The following SSPN variants were observed in gnomAD, a reference collection of about 807,000 sequenced individuals.
The protein encoded by SSPN is sarcospan, also known as K-ras oncogene-associated protein.
Under a neutral mutation model 19.1 loss-of-function variants are expected in SSPN, and 15 were observed. The observed-to-expected ratio is 0.78, with a 90% CI of 0.52 to 1.21. The LOEUF (loss-of-function observed/expected upper bound fraction) is 1.21. SSPN is among the 50% of genes most tolerant of loss of function. The probability of loss-of-function intolerance (pLI) is 0.00; values close to 1 mark genes in which losing one functional copy is unlikely to be tolerated. For synonymous variants in SSPN, 147 were observed against 140.3 expected (o/e 1.05, Z -0.34); for missense variants, 291 against 314.0 (o/e 0.93, Z 0.55).
chr12:26,150,216 TG>T (rs1944517413), intron 1 of SSPN, among the ~76,000 whole-genome samples: 1 of 152,150 alleles, frequency 6.6e-6, no homozygotes, highest in South Asian at 2.1e-4. Flanking sequence ...CGGAGCAGCT[TG>T]GGGGTGCTTT....
intron 1 of SSPN, among the ~76,000 whole-genome samples, chr12:26,176,855 A>G (rs4523784): frequency 0.13 from 20,318 of 152,122 alleles, 1,390 homozygotes; most frequent in Middle Eastern, 0.19. Flanking sequence ...CTCCCTCTTG[A>G]TGTACCTGCC....
chr12:26,137,656 A>ATTTTT (rs10597345), intron 1 of SSPN, among the ~76,000 whole-genome samples: 3 of 76,434 alleles, frequency 3.9e-5, no homozygotes, highest in Admixed American at 1.6e-4. Context: ...ATATATATAT[A>ATTTTT]TTTTTTTTTT....
intron 1 of SSPN, among the ~76,000 whole-genome samples, chr12:26,156,230 A>T (rs907142126): frequency 3.9e-5 from 6 of 152,210 alleles, no homozygotes; most frequent in Non-Finnish European, 8.8e-5. Context: ...GAGGAGATAC[A>T]AGTTCAGAGA....
At chr12:26,162,224 C>CT (rs1459186863) in intron 1 of SSPN, among the ~76,000 whole-genome samples, 1 of 152,114 alleles carries the variant, frequency 6.6e-6, no homozygotes, top group South Asian at 2.1e-4. Flanking sequence ...ATCAAAACTC[C>CT]TTTTTTTGTT....
At chr12:26,191,346 T>C (rs7977626), upstream of SSPN, among the ~76,000 whole-genome samples, 698 of 152,174 alleles carry the variant, frequency 4.6e-3, 9 homozygotes, top group African/African-American at 0.016. Flanking sequence ...TTAAGCCAGG[T>C]ATGGTGGCAT....
rs1036569758 is a variant in SSPN at position 26,234,329 on chromosome 12, T to C, written c.*3253T>C. ...TTTCCTATCATGAAGAGTACCTTCA[T>C]ATTTTCTAGAGATTGTCTCTGAACC... On this transcript the variant is annotated 3_prime_UTR_variant, in exon 3 of 3. Transcript: ENST00000242729. 1 of 152,238 alleles carries C rather than the reference T, an allele frequency of 6.6e-6. No homozygotes were observed. Among genetic ancestry groups the C allele is most frequent in the Non-Finnish European group, 1.5e-5 (1 of 68,042 alleles). The allele number at this position is 152,238 out of a possible 1,614,324, so 9.4% of individuals were successfully genotyped here.
intron 1 of SSPN, among the ~76,000 whole-genome samples, chr12:26,208,891 C>T (rs560891297): frequency 2.6e-5 from 4 of 152,018 alleles, no homozygotes; most frequent in Non-Finnish European, 5.9e-5. Flanking sequence ...TTGTGATTTT[C>T]CTTAGTTCTA....
chr12:26,141,296 C>G (rs1442741845), intron 1 of SSPN, among the ~76,000 whole-genome samples: 1 of 152,078 alleles, frequency 6.6e-6, no homozygotes, highest in Non-Finnish European at 1.5e-5. Flanking sequence ...GAGGTAAAAT[C>G]CAAGGACTGT....
At chr12:26,190,619 G>A (rs1944781423), upstream of SSPN, among the ~76,000 whole-genome samples, 1 of 152,144 alleles carries the variant, frequency 6.6e-6, no homozygotes, top group South Asian at 2.1e-4. Flanking sequence ...TGTTATTGTA[G>A]CAATAGATAA....
intron 1 of SSPN, among the ~76,000 whole-genome samples, chr12:26,186,018 C>A (rs1371494525): frequency 1.3e-5 from 2 of 152,172 alleles, no homozygotes; most frequent in Non-Finnish European, 2.9e-5. Context: ...AGAAAGAATG[C>A]TTTGTAAGCA....
At chr12:26,148,923 C>A (rs577240034) in intron 1 of SSPN, among the ~76,000 whole-genome samples, 145 of 152,288 alleles carry the variant, frequency 9.5e-4, no homozygotes, top group Non-Finnish European at 1.7e-3. Context: ...AACCTCCCCA[C>A]GGCACACACA....
chr12:26,211,816 A>G (rs747591879), intron 1 of SSPN: 1 of 152,206 alleles, frequency 6.6e-6, no homozygotes, highest in Non-Finnish European at 1.5e-5. Flanking sequence ...ACAGCAATGC[A>G]AATTACAATG....
intron 1 of SSPN, among the ~76,000 whole-genome samples, chr12:26,177,251 C>CT (rs1486419109): frequency 6.6e-6 from 1 of 152,220 alleles, no homozygotes; most frequent in Non-Finnish European, 1.5e-5. Context: ...CAGTGAATCT[C>CT]TGAGGATTAC....
At position 26,231,014 on chromosome 12, in the gene SSPN, T is replaced by C. The variant is rs760508335; in HGVS notation, c.670T>C (p.Phe224Leu). The C allele has an allele frequency of 9.9e-6, 16 of 1,614,082 alleles. No individual in the cohort carries two copies. The East Asian group carries it at 3.6e-4, about 36-fold the overall frequency. The part of the protein sequence containing the change: ...FVMWKHRYQV[F>L]YVGVRICSLT... The stretch of plus-strand genomic sequence containing the variant: ...GATGTGGAAACATAGGTACCAGGTC[T>C]TCTATGTGGGTGTCAGGATATGCTC... The change falls in exon 3 of 3, where the codon TTC (phenylalanine) becomes CTC (leucine). Residue 224 changes from phenylalanine to leucine, a missense_variant. Around this residue, in one of 3 missense-constraint regions of SSPN, gnomAD observed 141 missense variants for 166.7 expected, o/e 0.85. Transcript: ENST00000242729.
chr12:26,174,516 C>CCTTCCCTTCCTTT, intron 1 of SSPN, among the ~76,000 whole-genome samples: 2 of 144,374 alleles, frequency 1.4e-5, no homozygotes, highest in African/African-American at 5.1e-5. Flanking sequence ...TTCCTTCCTT[C>CCTTCCCTTCCTTT]CTTCCTTCCT....
At chr12:26,226,273 G>A (rs1945175229) in intron 2 of SSPN, among the ~76,000 whole-genome samples, 1 of 152,100 alleles carries the variant, frequency 6.6e-6, no homozygotes, top group Non-Finnish European at 1.5e-5. Context: ...ACTACTGGGG[G>A]GGCGAAGGCA....
At chr12:26,124,262 G>GCCCCCCCCCCA (rs1008727296) in intron 1 of SSPN, 1 of 541,666 alleles carries the variant, frequency 1.8e-6, no homozygotes, top group Non-Finnish European at 2.9e-6. Context: ...TGCCCCCCCC[G>GCCCCCCCCCCA]CCCCCCCACC....
At chr12:26,161,378 G>A (rs1293239879) in intron 1 of SSPN, among the ~76,000 whole-genome samples, 1 of 151,896 alleles carries the variant, frequency 6.6e-6, no homozygotes, top group Non-Finnish European at 1.5e-5. Context: ...TCTCTGCCTG[G>A]AGCAGTCTTC....
intron 1 of SSPN, among the ~76,000 whole-genome samples, chr12:26,175,830 T>G (rs1026784345): frequency 1.0e-5 from 1 of 99,180 alleles, no homozygotes; most frequent in Admixed American, 1.3e-4. Context: ...TATAAAAAAT[T>G]TATTTTGAGT....
Sources: allele counts gnomAD v4.1 joint callset (sites outside exome capture counted in the v4.1 genomes callset), GRCh38; gene constraint gnomAD v4.1.1; regional missense constraint gnomAD v4.1.1; transcripts MANE v1.5; gene names NCBI Gene and HGNC (gene_info 2026-07-23, HGNC 2026-07-21).